Variants in RPIA observed in about 807,000 individuals in gnomAD.
RPIA encodes ribose-5-phosphate isomerase.
Under a neutral mutation model 37.8 loss-of-function variants are expected in RPIA, and 29 were observed. The ratio of observed to expected loss-of-function variants is 0.77; its 90% CI spans 0.57 to 1.05. The LOEUF (loss-of-function observed/expected upper bound fraction) is 1.05, where lower values mean the gene tolerates loss of function less well. RPIA is among the 50% of genes least tolerant of loss of function. The pLI is 0.00. For synonymous variants in RPIA, 167 were observed against 157.0 expected (o/e 1.06, Z -0.48); for missense variants, 385 against 413.6 (o/e 0.93, Z 0.60).
At chr2:88,697,477 A>C (rs1240670812) in intron 1 of RPIA, among the ~76,000 whole-genome samples, 1 of 152,198 alleles carries the variant, frequency 6.6e-6, no homozygotes, top group Non-Finnish European at 1.5e-5. Context: ...TTAGTTCCTG[A>C]CTGTTAGTAC....
At chr2:88,715,346 T>A (rs112156992) in intron 3 of RPIA, among the ~76,000 whole-genome samples, 11,521 of 152,286 alleles carry the variant, frequency 0.076, 509 homozygotes, top group Non-Finnish European at 0.099. Context: ...ACTCTTCAGC[T>A]GGAATTCAGG....
chr2:88,708,497 G>C (rs574220160), intron 3 of RPIA, among the ~76,000 whole-genome samples: 2 of 152,314 alleles, frequency 1.3e-5, no homozygotes, highest in South Asian at 4.1e-4. Context: ...CGTCTCCAAG[G>C]AGTACACCGT....
At chr2:88,709,046 G>A (rs373774322) in intron 3 of RPIA, among the ~76,000 whole-genome samples, 15 of 152,298 alleles carry the variant, frequency 9.8e-5, no homozygotes, top group African/African-American at 3.4e-4. Context: ...GTGAGCCACC[G>A]CGCCCGGCCA....
chr2:88,743,959 A>C (rs1490698427), intron 8 of RPIA, among the ~76,000 whole-genome samples: 1 of 152,076 alleles, frequency 6.6e-6, no homozygotes. Flanking sequence ...TCAAAGAACC[A>C]GGTTTTTGTT....
At chr2:88,716,282 C>G (rs148540498) in intron 3 of RPIA, among the ~76,000 whole-genome samples, 4 of 152,290 alleles carry the variant, frequency 2.6e-5, no homozygotes, top group African/African-American at 7.2e-5. Context: ...CAGACTGAAC[C>G]TAGGTACATC....
chr2:88,734,338 G>A (rs983478457), intron 4 of RPIA, among the ~76,000 whole-genome samples: 2 of 152,090 alleles, frequency 1.3e-5, no homozygotes, highest in African/African-American at 4.8e-5. Context: ...GGTAAGAACT[G>A]CATCCCGGTT....
chr2:88,705,246 C>T (rs574126919), intron 3 of RPIA, among the ~76,000 whole-genome samples: 1 of 152,236 alleles, frequency 6.6e-6, no homozygotes, highest in African/African-American at 2.4e-5. Context: ...CAAAAAAGAG[C>T]CTGTATGGCC....
At chr2:88,712,954 C>T (rs1003249276) in intron 3 of RPIA, among the ~76,000 whole-genome samples, 18 of 151,214 alleles carry the variant, frequency 1.2e-4, no homozygotes, top group African/African-American at 3.2e-4. Flanking sequence ...CTGCAACCTC[C>T]GCCTCCCGTG....
At chr2:88,723,617 A>G (rs1673160661) in intron 3 of RPIA, among the ~76,000 whole-genome samples, 1 of 152,080 alleles carries the variant, frequency 6.6e-6, no homozygotes, top group South Asian at 2.1e-4. Flanking sequence ...GCACTGATAG[A>G]TTTGTCAAAG....
chr2:88,691,774 G>T lies in RPIA; in HGVS notation c.76G>T (p.Ala26Ser), dbSNP rs768447270. ...APLPGRAGGA[A>S]SGGGGNSWDL... ...GCTGCCCGGGAGGGCCGGGGGCGCG[G>T]CCTCCGGCGGAGGAGGGAACAGCTG... The change falls in exon 1 of 9, where the codon GCC (alanine) becomes TCC (serine). Residue 26 changes from alanine to serine, a missense_variant. Ala to Ser is a moderately conservative substitution (Grantham distance 99). This residue lies in a region of RPIA where 232 missense variants were observed against 203.0 expected (regional missense o/e 1.14). Transcript: ENST00000283646. 5.0e-6 allele frequency: 8 copies of T among 1,591,974 alleles called. No individual in the cohort carries two copies. Among genetic ancestry groups the T allele is most frequent in the Non-Finnish European group, 6.8e-6 (8 of 1,173,166 alleles).
chr2:88,722,365 T>C (rs905793433), intron 3 of RPIA, among the ~76,000 whole-genome samples: 1 of 152,256 alleles, frequency 6.6e-6, no homozygotes, highest in African/African-American at 2.4e-5. Context: ...AATTTAACTT[T>C]AGATTCTAAA....
chr2:88,749,613 G>A (rs1673479265), intron 8 of RPIA, among the ~76,000 whole-genome samples: 1 of 152,210 alleles, frequency 6.6e-6, no homozygotes, highest in Admixed American at 6.5e-5. Context: ...GAGTAGTCAT[G>A]GAGGGTCTCT....
At chr2:88,714,236 T>C (rs576548155) in intron 3 of RPIA, among the ~76,000 whole-genome samples, 1 of 152,186 alleles carries the variant, frequency 6.6e-6, no homozygotes. Flanking sequence ...AGTGGCGCGA[T>C]CTGGGCTCAC....
At chr2:88,742,769 G>A (rs1310270875) in intron 8 of RPIA, among the ~76,000 whole-genome samples, 1 of 152,016 alleles carries the variant, frequency 6.6e-6, no homozygotes, top group Non-Finnish European at 1.5e-5. Flanking sequence ...CTCCTTGGTT[G>A]GGTATACTCC....
intron 1 of RPIA, among the ~76,000 whole-genome samples, chr2:88,692,220 C>T (rs1041533028): frequency 2.0e-5 from 3 of 152,218 alleles, no homozygotes; most frequent in South Asian, 2.1e-4. Context: ...TCTAAAGACT[C>T]CTTGTCCAGC....
chr2:88,750,256 C>A lies in RPIA; in HGVS notation c.*178C>A. The A allele has an allele frequency of 4.0e-6, 2 of 498,406 alleles. No homozygotes were observed. The highest frequency in any genetic ancestry group is 7.2e-6 in the Non-Finnish European group (2 of 277,316). 30.9% of individuals were successfully genotyped at this position (498,406 alleles called of 1,614,324 possible). On this transcript the variant is annotated 3_prime_UTR_variant, in exon 9 of 9. Coordinates refer to ENST00000283646, the MANE Select transcript of RPIA (RefSeq NM_144563.3). ...CTTATGAAGTATTGTTATTAAATGTCTTTTTAAAAAGAGAAATATAAACAT... is the reference window on the plus strand; with the variant it reads ...CTTATGAAGTATTGTTATTAAATGTATTTTTAAAAAGAGAAATATAAACAT...
intron 8 of RPIA, among the ~76,000 whole-genome samples, chr2:88,743,887 A>G (rs1673410441): frequency 6.6e-6 from 1 of 151,998 alleles, no homozygotes; most frequent in Non-Finnish European, 1.5e-5. Context: ...AATTGAGCTT[A>G]TTTGGATCTT....
At chr2:88,734,678 G>A in intron 5 of RPIA, 62 bp downstream of exon 5, 1 of 1,527,560 alleles carries the variant, frequency 6.5e-7, no homozygotes, top group Non-Finnish European at 9.1e-7. Context: ...AGCAAAGCAA[G>A]ATGGATACAG....
chr2:88,718,662 A>C (rs1183857270), intron 3 of RPIA, among the ~76,000 whole-genome samples: 1 of 152,222 alleles, frequency 6.6e-6, no homozygotes, highest in Non-Finnish European at 1.5e-5. Flanking sequence ...ACACCATTCA[A>C]GTTAAAGCCT....
Sources: allele counts gnomAD v4.1 joint callset (sites outside exome capture counted in the v4.1 genomes callset), GRCh38; gene constraint gnomAD v4.1.1; regional missense constraint gnomAD v4.1.1; transcripts MANE v1.5; gene names NCBI Gene and HGNC (gene_info 2026-07-23, HGNC 2026-07-21).